Variants in CCSER1 observed in about 807,000 individuals in gnomAD.
CCSER1 encodes the protein serine-rich coiled-coil domain-containing protein 1.
CCSER1 carries 41 observed loss-of-function variants against 82.0 expected under a neutral mutation model. That is an observed-to-expected ratio of 0.50 (90% confidence interval 0.39 to 0.65). CCSER1 has a LOEUF of 0.65. Ranked by LOEUF, CCSER1 falls within the 30% of genes least tolerant of loss-of-function variation. CCSER1 has a pLI of 0.00. For synonymous variants in CCSER1, 414 were observed against 383.9 expected, an observed-to-expected ratio of 1.08 and a Z score of -0.92; for missense variants, 1,119 against 1,064.2, an observed-to-expected ratio of 1.05 and a Z score of -0.72.
At chr4:91,394,153 G>T (rs1751826215) in intron 10 of CCSER1, among the ~76,000 whole-genome samples, 1 of 152,050 alleles carries the variant, frequency 6.6e-6, no homozygotes, top group Non-Finnish European at 1.5e-5. Flanking sequence ...GGAACACAAT[G>T]TAATACTGTA....
At chr4:90,554,167 C>T (rs921693056) in intron 5 of CCSER1, among the ~76,000 whole-genome samples, 3 of 152,084 alleles carry the variant, frequency 2.0e-5, no homozygotes, top group Non-Finnish European at 4.4e-5. Context: ...TGAGACCAGC[C>T]TGGGCAACAT....
chr4:91,172,514 C>A (rs1168262596), intron 10 of CCSER1, among the ~76,000 whole-genome samples: 1 of 152,140 alleles, frequency 6.6e-6, no homozygotes, highest in East Asian at 1.9e-4. Flanking sequence ...AAGGCTCTGG[C>A]TCGCTCTCCA....
chr4:91,438,183 G>A (rs1560670738), intron 10 of CCSER1, among the ~76,000 whole-genome samples: 1 of 152,230 alleles, frequency 6.6e-6, no homozygotes, highest in Non-Finnish European at 1.5e-5. Flanking sequence ...ACCTCCTCAA[G>A]TGGGTCCCTG....
intron 10 of CCSER1, among the ~76,000 whole-genome samples, chr4:91,365,150 A>G (rs1749523015): frequency 6.6e-6 from 1 of 152,178 alleles, no homozygotes; most frequent in Non-Finnish European, 1.5e-5. Context: ...TCTGTTATTT[A>G]TGAGAGGCTT....
intron 5 of CCSER1, among the ~76,000 whole-genome samples, chr4:90,473,490 T>C (rs866475246): frequency 6.6e-6 from 1 of 152,226 alleles, no homozygotes; most frequent in Admixed American, 6.5e-5. Flanking sequence ...TACCTCTTTG[T>C]AATGCTTCAG....
intron 3 of CCSER1, among the ~76,000 whole-genome samples, chr4:90,369,691 T>C (rs1262182038): frequency 6.6e-6 from 1 of 151,952 alleles, no homozygotes; most frequent in Non-Finnish European, 1.5e-5. Flanking sequence ...AACTACATGA[T>C]CTTACAGATC....
intron 7 of CCSER1, among the ~76,000 whole-genome samples, chr4:90,754,915 A>G (rs1203640487): frequency 1.3e-5 from 2 of 152,182 alleles, no homozygotes; most frequent in East Asian, 1.9e-4. Flanking sequence ...CCTGAGTCCT[A>G]TTAACATTCT....
chr4:90,468,430 A>T, intron 5 of CCSER1, 76 bp downstream of exon 5: 4 of 1,289,448 alleles, frequency 3.1e-6, no homozygotes, highest in Non-Finnish European at 3.2e-6. Context: ...ATTTATAATA[A>T]ATGTGTTAAT....
chr4:90,155,767 T>G (rs1480132644), intron 1 of CCSER1, among the ~76,000 whole-genome samples: 1 of 152,098 alleles, frequency 6.6e-6, no homozygotes, highest in Non-Finnish European at 1.5e-5. Flanking sequence ...CTCTTTTTTC[T>G]TCTTTATTAG....
At chr4:90,205,511 A>G (rs1738630174) in intron 1 of CCSER1, among the ~76,000 whole-genome samples, 1 of 152,104 alleles carries the variant, frequency 6.6e-6, no homozygotes, top group Non-Finnish European at 1.5e-5. Context: ...ATTGATTTGC[A>G]TATGTTGAAC....
chr4:90,617,041 T>C (rs1721411505), intron 5 of CCSER1, among the ~76,000 whole-genome samples: 1 of 152,196 alleles, frequency 6.6e-6, no homozygotes, highest in Non-Finnish European at 1.5e-5. Flanking sequence ...GAATTGATTA[T>C]TAAAATATCT....
intron 10 of CCSER1, among the ~76,000 whole-genome samples, chr4:91,409,931 T>C (rs76669445): frequency 0.024 from 3,700 of 152,288 alleles, 126 homozygotes; most frequent in African/African-American, 0.083. Context: ...ATCTGCCCAC[T>C]GTGGCCTCAG....
chr4:91,225,251 T>C (rs1277041785), intron 10 of CCSER1, among the ~76,000 whole-genome samples: 2 of 139,334 alleles, frequency 1.4e-5, no homozygotes, highest in Non-Finnish European at 3.1e-5. Context: ...ATTATATACA[T>C]ATACATGTAT....
At chr4:90,513,485 G>A (rs1053959646) in intron 5 of CCSER1, among the ~76,000 whole-genome samples, 1 of 152,136 alleles carries the variant, frequency 6.6e-6, no homozygotes, top group South Asian at 2.1e-4. Context: ...ATGAAAACAA[G>A]ATCCAAATTT....
chr4:91,065,170 A>G (rs1720678427), intron 9 of CCSER1, among the ~76,000 whole-genome samples: 1 of 152,122 alleles, frequency 6.6e-6, no homozygotes, highest in African/African-American at 2.4e-5. Flanking sequence ...ATAAGGAAAG[A>G]GAATGTGAGT....
At chr4:91,144,803 T>A in intron 10 of CCSER1, among the ~76,000 whole-genome samples, 1 of 152,040 alleles carries the variant, frequency 6.6e-6, no homozygotes, top group South Asian at 2.1e-4. Flanking sequence ...TTCTAGTTTT[T>A]TTTCTACTGT....
At chr4:90,217,623 G>T (rs1741317724) in intron 1 of CCSER1, among the ~76,000 whole-genome samples, 1 of 152,094 alleles carries the variant, frequency 6.6e-6, no homozygotes, top group African/African-American at 2.4e-5. Flanking sequence ...GGCACTTCCA[G>T]TACTATGTTG....
intron 10 of CCSER1, among the ~76,000 whole-genome samples, chr4:91,498,070 C>A (rs1371767344): frequency 1.3e-5 from 2 of 151,946 alleles, no homozygotes; most frequent in Non-Finnish European, 2.9e-5. Context: ...GCATCCGGCC[C>A]TTGATATTGA....
At chr4:90,365,182 A>G (rs1746061831) in intron 3 of CCSER1, among the ~76,000 whole-genome samples, 1 of 151,940 alleles carries the variant, frequency 6.6e-6, no homozygotes, top group Admixed American at 6.6e-5. Flanking sequence ...TAGTATTCAC[A>G]GAAGATTTTC....
Sources: gnomAD v4.1 joint callset for allele counts (sites outside exome capture counted in the v4.1 genomes callset) on GRCh38, gnomAD v4.1.1 for gene constraint, MANE v1.5 for transcripts, NCBI Gene and HGNC (gene_info 2026-07-23, HGNC 2026-07-21) for gene names.